The following LRP8 variants were observed in gnomAD, a reference collection of about 807,000 sequenced individuals.
LRP8 encodes the protein low-density lipoprotein receptor-related protein 8.
LRP8 carries 46 observed loss-of-function variants against 111.6 expected under a neutral mutation model. The observed-to-expected ratio is 0.41, with a 90% CI of 0.33 to 0.53. The LOEUF (loss-of-function observed/expected upper bound fraction) is 0.53, where lower values mean the gene tolerates loss of function less well. LRP8 is among the 20% of genes least tolerant of loss of function. The probability of loss-of-function intolerance (pLI) is 0.20; values close to 1 mark genes in which losing one functional copy is unlikely to be tolerated. For synonymous variants in LRP8, 464 were observed against 511.2 expected, an observed-to-expected ratio of 0.91 and a Z score of 1.24; for missense variants, 959 against 1,297.4, an observed-to-expected ratio of 0.74 and a Z score of 4.01.
chr1:53,265,677 T>A (rs1646526782), intron 9 of LRP8, among the ~76,000 whole-genome samples: 2 of 152,210 alleles, frequency 1.3e-5, no homozygotes, highest in African/African-American at 4.8e-5. Flanking sequence ...AGGAATCTAG[T>A]TGTCAGTGAG....
chr1:53,275,722 C>T lies in LRP8; in HGVS notation c.915G>A (p.Gln305=). Residue 305 remains glutamine (Q), a synonymous_variant, in exon 6 of 19, where the codon CAG becomes CAA. Transcript: ENST00000306052. The surrounding 1 kb of genome is among the most constrained non-coding windows in gnomAD (Gnocchi z 4.4). ...CAAGGACACATGTCCCATCCCCACA[C>T]TGGAACTCGTCCCCACGGCAGGTGC... The part of the protein sequence containing the change: ...PLGTCRGDEF[Q]CGDGTCVLAI... 1 of 1,614,114 alleles carries T rather than the reference C, an allele frequency of 6.2e-7. No individual in the cohort carries two copies. The highest frequency in any genetic ancestry group is 8.5e-7 in the Non-Finnish European group (1 of 1,179,990).
intron 2 of LRP8, among the ~76,000 whole-genome samples, chr1:53,302,856 ATT>A (rs769628078): frequency 5.5e-5 from 7 of 126,580 alleles, no homozygotes; most frequent in African/African-American, 6.1e-5. Flanking sequence ...CACCCAGCTA[ATT>A]TTTTTTTTTT....
chr1:53,326,806 C>T, intron 2 of LRP8, 67 bp downstream of exon 2: 7 of 1,545,614 alleles, frequency 4.5e-6, no homozygotes, highest in Non-Finnish European at 6.1e-6. Flanking sequence ...CACGTGCGCG[C>T]CAAGCATGGT....
At chr1:53,307,872 G>T (rs1652275167) in intron 2 of LRP8, among the ~76,000 whole-genome samples, 1 of 152,242 alleles carries the variant, frequency 6.6e-6, no homozygotes, top group Non-Finnish European at 1.5e-5. Context: ...CCTAGGACGA[G>T]GGTGTCCCAC....
At chr1:53,316,333 C>A (rs1353806331) in intron 2 of LRP8, among the ~76,000 whole-genome samples, 4 of 152,058 alleles carry the variant, frequency 2.6e-5, no homozygotes, top group Admixed American at 6.6e-5. Context: ...GGGAGGGAGA[C>A]AAAAGAGTGT....
chr1:53,285,657 T>G (rs561615607), intron 3 of LRP8, among the ~76,000 whole-genome samples: 95 of 152,322 alleles, frequency 6.2e-4, no homozygotes, highest in South Asian at 4.1e-3. Flanking sequence ...TTTTATTTCA[T>G]GAAGTGCAAA....
At chr1:53,327,535 G>C (rs1454232837) in intron 1 of LRP8, 2 of 430,862 alleles carry the variant, frequency 4.6e-6, no homozygotes, top group Non-Finnish European at 7.6e-6. Flanking sequence ...CTCCGGCAAA[G>C]TTCCCCGCTG....
chr1:53,306,867 A>C (rs1266331589), intron 2 of LRP8, among the ~76,000 whole-genome samples: 2 of 152,074 alleles, frequency 1.3e-5, no homozygotes, highest in Admixed American at 6.5e-5. Context: ...ACCTCACCTC[A>C]TCTCCTGGTT....
chr1:53,325,624 T>C (rs1342953476), intron 2 of LRP8, among the ~76,000 whole-genome samples: 2 of 152,208 alleles, frequency 1.3e-5, no homozygotes, highest in South Asian at 2.1e-4. Flanking sequence ...AACTTTGGGT[T>C]AGGTCTGAAA....
At position 53,276,830 on chromosome 1, in the gene LRP8, C is replaced by T; in HGVS notation, c.745G>A (p.Gly249Ser). 2 of 1,272,644 alleles carry T rather than the reference C, an allele frequency of 1.6e-6. No individual in the cohort carries two copies. The highest frequency in any genetic ancestry group is 1.9e-5 in the South Asian group (1 of 53,076). 78.8% of individuals were successfully genotyped at this position (1,272,644 alleles called of 1,614,324 possible). A position where few individuals can be genotyped will look rare whatever the true frequency, so the allele number is the denominator to read the frequency against. ...DEAAELCGRP[G>S]PGATSAPAAC... ...GCGGGCGCGGACGTGGCCCCGGGGC[C>T]CGGACGGCCGCAGAGCTCGGCTGCC... The change falls in exon 5 of 19, where the codon GGC becomes AGC. Residue 249 changes from glycine to serine, a missense_variant. Gly to Ser is a moderately conservative substitution (Grantham distance 56). This residue lies in a region of LRP8 where 819 missense variants were observed against 1,097.6 expected (regional missense o/e 0.75). Transcript: ENST00000306052.
chr1:53,284,305 C>T (rs1427137445), intron 3 of LRP8, among the ~76,000 whole-genome samples: 3 of 151,866 alleles, frequency 2.0e-5, no homozygotes, highest in Non-Finnish European at 2.9e-5. Flanking sequence ...TTACTTACTA[C>T]ATACCTGGGC....
Position 53,293,087 on chromosome 1 carries a change from G to A in LRP8, c.245-3398C>T, listed in dbSNP as rs1649081199. On this transcript the variant is annotated intron_variant, in intron 2 of 18. Transcript: ENST00000306052. The surrounding 1 kb of genome is among the most constrained non-coding windows in gnomAD (Gnocchi z 4.9). Reference sequence around the variant, plus strand: ...GTGCCCAAAACAGCAGGGCAGGCTTGAAGAAGGTGATGATGGGGCTCTGTT... The same window carrying A: ...GTGCCCAAAACAGCAGGGCAGGCTTAAAGAAGGTGATGATGGGGCTCTGTT... 1.3e-5 allele frequency among the ~76,000 whole-genome samples: 2 copies of A among 152,210 alleles called. No homozygotes were observed. The highest frequency in any genetic ancestry group is 4.8e-5 in the African/African-American group (2 of 41,456).
chr1:53,250,098 G>A lies in LRP8; in HGVS notation c.2677-542C>T, dbSNP rs944788037. ...GAGGGGACTCCTGAGCTTCCACCAC[G>A]GCATTCAGCACACAATTATACCACT... On this transcript the variant is annotated intron_variant, in intron 17 of 18. Coordinates refer to ENST00000306052, the MANE Select transcript of LRP8 (RefSeq NM_004631.5). This position sits in a 1 kb window ranked among gnomAD's most constrained non-coding sequence, Gnocchi z 4.6. Among the ~76,000 whole-genome samples, 3 of 152,198 alleles carry A rather than the reference G, an allele frequency of 2.0e-5. No homozygotes were observed. The highest frequency in any genetic ancestry group is 6.5e-5 in the Admixed American group (1 of 15,282).
At chr1:53,286,516 G>A (rs1276342425) in intron 3 of LRP8, among the ~76,000 whole-genome samples, 2 of 151,636 alleles carry the variant, frequency 1.3e-5, no homozygotes, top group African/African-American at 2.4e-5. Flanking sequence ...CCCAACAGAA[G>A]CCTGAAGGTG....
At chr1:53,281,679 A>C (rs1378429917) in intron 3 of LRP8, among the ~76,000 whole-genome samples, 1 of 152,206 alleles carries the variant, frequency 6.6e-6, no homozygotes, top group Non-Finnish European at 1.5e-5. Context: ...TCCTACTTCA[A>C]TCACTCACTG....
chr1:53,282,845 A>G (rs1198056685), intron 3 of LRP8, among the ~76,000 whole-genome samples: 4 of 152,158 alleles, frequency 2.6e-5, no homozygotes, highest in Admixed American at 2.0e-4. Context: ...TAAAAGTGAT[A>G]CAGATGTTCC....
intron 2 of LRP8, among the ~76,000 whole-genome samples, chr1:53,311,443 C>G (rs1652975604): frequency 6.6e-6 from 1 of 152,186 alleles, no homozygotes; most frequent in African/African-American, 2.4e-5. Context: ...CCCACACAAG[C>G]CCTGGCCACA....
intron 2 of LRP8, among the ~76,000 whole-genome samples, chr1:53,296,296 G>A (rs1649701807): frequency 6.6e-6 from 1 of 152,246 alleles, no homozygotes; most frequent in Non-Finnish European, 1.5e-5. Flanking sequence ...TCAGCAAGCT[G>A]GGGCAGGTTC....
rs77321033 is a variant in LRP8 at position 53,270,830 on chromosome 1, G to A, written c.1252+198C>T. 3.9e-3 allele frequency among the ~76,000 whole-genome samples: 590 copies of A among 152,222 alleles called. 4 individuals are homozygous for A. Among genetic ancestry groups the A allele is most frequent in the African/African-American group, 0.014 (568 of 41,526 alleles). On this transcript the variant is annotated intron_variant, in intron 8 of 18. Transcript: ENST00000306052. ...ACTCTTATCTCCTTAATAAACCTTCGGCTTATGTTACTAATTGTCTCTTGG... is the reference window on the plus strand; with the variant it reads ...ACTCTTATCTCCTTAATAAACCTTCAGCTTATGTTACTAATTGTCTCTTGG...
Sources: allele counts gnomAD v4.1 joint callset (sites outside exome capture counted in the v4.1 genomes callset), GRCh38; gene constraint gnomAD v4.1.1; regional missense constraint gnomAD v4.1.1; non-coding constraint Gnocchi (gnomAD v3.1); transcripts MANE v1.5; gene names NCBI Gene and HGNC (gene_info 2026-07-23, HGNC 2026-07-21).